The following AGBL4 variants were observed in gnomAD, a reference collection of about 807,000 sequenced individuals.
AGBL4 encodes the protein AGBL carboxypeptidase 4, also known as cytosolic carboxypeptidase 6.
AGBL4 carries 58 observed loss-of-function variants against 66.4 expected under a neutral mutation model. The observed-to-expected ratio is 0.87, with a 90% CI of 0.71 to 1.09. The LOEUF (loss-of-function observed/expected upper bound fraction) is 1.09, where lower values mean the gene tolerates loss of function less well. AGBL4 is among the 50% of genes least tolerant of loss of function. The pLI is 0.00. For missense variants in AGBL4, 579 were observed against 631.0 expected, an observed-to-expected ratio of 0.92 and a Z score of 0.88; for synonymous variants, 234 against 222.9, an observed-to-expected ratio of 1.05 and a Z score of -0.44.
At chr1:48,730,313 T>G (rs1257430677) in intron 6 of AGBL4, among the ~76,000 whole-genome samples, 1 of 152,192 alleles carries the variant, frequency 6.6e-6, no homozygotes, top group Non-Finnish European at 1.5e-5. Context: ...GAGAACTGCT[T>G]AGAAGTTGAG....
chr1:49,539,698 CT>C lies in AGBL4; in HGVS notation c.282+157614del, dbSNP rs569761626. Reference sequence around the variant, plus strand: ...AGAGTTATGACTTTTCTGGCCTTGCCTTTTTTTGGTGTGGCCTCTGGTGGAG... The same window carrying C: ...AGAGTTATGACTTTTCTGGCCTTGCCTTTTTTGGTGTGGCCTCTGGTGGAG... On this transcript the variant is annotated intron_variant, in intron 3 of 13. Transcript: ENST00000371839. Among the ~76,000 whole-genome samples, 875 of 152,182 alleles carry C rather than the reference CT, an allele frequency of 5.7e-3. 6 individuals are homozygous for C. The highest frequency in any genetic ancestry group is 8.7e-3 in the Non-Finnish European group (590 of 67,996).
chr1:48,769,572 A>ACACACAC (rs1553230018), intron 6 of AGBL4, among the ~76,000 whole-genome samples: 5 of 62,680 alleles, frequency 8.0e-5, no homozygotes, highest in South Asian at 5.4e-4. Flanking sequence ...CACACACACA[A>ACACACAC]GTTAAATTTT....
intron 6 of AGBL4, among the ~76,000 whole-genome samples, chr1:48,744,904 A>G: frequency 6.6e-6 from 1 of 152,282 alleles, no homozygotes; most frequent in East Asian, 1.9e-4. Context: ...GGCGCTGAAC[A>G]CTACCTCATC....
chr1:48,650,443 A>C (rs1645908235), intron 8 of AGBL4, among the ~76,000 whole-genome samples: 1 of 106,862 alleles, frequency 9.4e-6, no homozygotes, highest in Non-Finnish European at 2.0e-5. Context: ...TCTGAGAACC[A>C]ACCTTCCTTC....
intron 6 of AGBL4, among the ~76,000 whole-genome samples, chr1:48,727,316 A>C (rs1372754579): frequency 6.6e-6 from 1 of 152,172 alleles, no homozygotes; most frequent in Non-Finnish European, 1.5e-5. Flanking sequence ...CTGGTCCAAG[A>C]TCTGGCCTTT....
Position 48,884,036 on chromosome 1 carries a change from C to CAAGCATTCT in AGBL4, c.595-16815_595-16807dup, listed in dbSNP as rs561744163. 4.5e-4 allele frequency among the ~76,000 whole-genome samples: 69 copies of CAAGCATTCT among 152,338 alleles called. 1 individual carries two copies. The South Asian group carries it at 9.6e-3, about 21-fold the overall frequency. On this transcript the variant is annotated intron_variant, in intron 5 of 13. Transcript: ENST00000371839. ...TTCCTGCTCCTAGCCTGCTACTCTA[C>CAAGCATTCT]AAGCATTCTATAAAGGACAAAGTAT...
chr1:49,129,351 T>C (rs1645835647), intron 4 of AGBL4, among the ~76,000 whole-genome samples: 1 of 152,036 alleles, frequency 6.6e-6, no homozygotes, highest in Admixed American at 6.6e-5. Flanking sequence ...TTAGGGTACA[T>C]GTGCACAATG....
intron 3 of AGBL4, among the ~76,000 whole-genome samples, chr1:49,521,330 T>C (rs1222223810): frequency 6.6e-6 from 1 of 152,080 alleles, no homozygotes; most frequent in African/African-American, 2.4e-5. Context: ...AGAACAAAGC[T>C]GGAGGCATCA....
chr1:48,886,516 T>C (rs533290902), intron 5 of AGBL4, among the ~76,000 whole-genome samples: 17 of 152,292 alleles, frequency 1.1e-4, no homozygotes, highest in African/African-American at 3.8e-4. Flanking sequence ...GGGAGCATCA[T>C]TGGGCAGCTC....
At chr1:49,117,444 C>T (rs1219398227) in intron 4 of AGBL4, among the ~76,000 whole-genome samples, 1 of 152,118 alleles carries the variant, frequency 6.6e-6, no homozygotes, top group African/African-American at 2.4e-5. Context: ...ATATGGCTAG[C>T]CAGTTTTCCC....
intron 3 of AGBL4, among the ~76,000 whole-genome samples, chr1:49,533,368 T>TCTTCA (rs1321171649): frequency 2.6e-5 from 4 of 152,208 alleles, no homozygotes; most frequent in Non-Finnish European, 5.9e-5. Context: ...GAATGCTTAA[T>TCTTCA]CCTGGTAATG....
intron 6 of AGBL4, among the ~76,000 whole-genome samples, chr1:48,677,532 C>G (rs1011456177): frequency 2.0e-5 from 3 of 152,130 alleles, no homozygotes; most frequent in African/African-American, 7.2e-5. Flanking sequence ...CTTATATAAG[C>G]TCATTGGATC....
chr1:49,640,786 A>G (rs1645765863), intron 3 of AGBL4, among the ~76,000 whole-genome samples: 1 of 152,166 alleles, frequency 6.6e-6, no homozygotes, highest in Non-Finnish European at 1.5e-5. Flanking sequence ...CTTTTTTGAA[A>G]GGAAGATGTG....
chr1:49,643,688 A>G (rs1645829099), intron 3 of AGBL4, among the ~76,000 whole-genome samples: 1 of 151,670 alleles, frequency 6.6e-6, no homozygotes, highest in African/African-American at 2.4e-5. Flanking sequence ...TCTTTAAAAT[A>G]CTGAAAGAGA....
intron 3 of AGBL4, among the ~76,000 whole-genome samples, chr1:49,278,870 A>G (rs1282565685): frequency 6.6e-6 from 1 of 152,204 alleles, no homozygotes; most frequent in Non-Finnish European, 1.5e-5. Flanking sequence ...AGCTGATGTA[A>G]CATTATCCTA....
chr1:49,126,047 G>A (rs1403931865), intron 4 of AGBL4, among the ~76,000 whole-genome samples: 1 of 152,110 alleles, frequency 6.6e-6, no homozygotes, highest in Non-Finnish European at 1.5e-5. Flanking sequence ...GTAAAGATCT[G>A]AAGAGACCCA....
At chr1:50,001,465 ATATG>A (rs1194253046) in intron 1 of AGBL4, among the ~76,000 whole-genome samples, 1 of 150,126 alleles carries the variant, frequency 6.7e-6, no homozygotes, top group Admixed American at 6.7e-5. Context: ...GTGTGTCCGT[ATATG>A]TGTGTGTCTA....
At chr1:49,584,883 AAGTT>A (rs1386880000) in intron 3 of AGBL4, among the ~76,000 whole-genome samples, 2 of 152,188 alleles carry the variant, frequency 1.3e-5, no homozygotes, top group African/African-American at 4.8e-5. Context: ...AAGTCCTCCA[AAGTT>A]AAGAAACATG....
rs545585743 is a variant in AGBL4 at position 48,773,433 on chromosome 1, G to T, written c.634+93758C>A. Among the ~76,000 whole-genome samples, 13 of 152,218 alleles carry T rather than the reference G, an allele frequency of 8.5e-5. No homozygotes were observed. The South Asian group carries it at 2.5e-3, about 29-fold the overall frequency. On this transcript the variant is annotated intron_variant, in intron 6 of 13. Coordinates refer to ENST00000371839, the MANE Select transcript of AGBL4 (RefSeq NM_032785.4). ...TGAGTTATGTGGACCCTCCAAGAGGGACAGCCTTAGTGAAGATTTATTCAA... is the reference window on the plus strand; with the variant it reads ...TGAGTTATGTGGACCCTCCAAGAGGTACAGCCTTAGTGAAGATTTATTCAA...
Sources: allele counts gnomAD v4.1 joint callset (sites outside exome capture counted in the v4.1 genomes callset), GRCh38; gene constraint gnomAD v4.1.1; transcripts MANE v1.5; gene names NCBI Gene and HGNC (gene_info 2026-07-23, HGNC 2026-07-21).